IQSEC1: variants seen among roughly 807,000 people sequenced by gnomAD.
IQSEC1 encodes IQ motif and Sec7 domain ArfGEF 1, also known as IQ motif and SEC7 domain-containing protein 1.
Under a neutral mutation model 91.0 loss-of-function variants are expected in IQSEC1, and 31 were observed. That is an observed-to-expected ratio of 0.34 (90% confidence interval 0.26 to 0.46). The LOEUF (loss-of-function observed/expected upper bound fraction) is 0.46. Ranked by LOEUF, IQSEC1 falls within the 20% of genes least tolerant of loss-of-function variation. The probability of loss-of-function intolerance (pLI) is 1.00; values close to 1 mark genes in which losing one functional copy is unlikely to be tolerated. For missense variants in IQSEC1, 1,388 were observed against 1,575.6 expected (o/e 0.88, Z 2.02); for synonymous variants, 699 against 662.6 (o/e 1.05, Z -0.84).
intron 2 of IQSEC1, among the ~76,000 whole-genome samples, chr3:13,106,209 T>C (rs1706149141): frequency 6.6e-6 from 1 of 152,220 alleles, no homozygotes; most frequent in Non-Finnish European, 1.5e-5. Flanking sequence ...GCTCAACCCA[T>C]GAAACTAGAC....
chr3:12,984,274 G>A (rs1298780951), intron 1 of IQSEC1, among the ~76,000 whole-genome samples: 1 of 152,184 alleles, frequency 6.6e-6, no homozygotes, highest in Non-Finnish European at 1.5e-5. Flanking sequence ...GGGGAGATAG[G>A]GAGGAGACCC....
intron 7 of IQSEC1, 151 bp from the exon 8 acceptor site, chr3:12,915,284 G>A: frequency 1.1e-6 from 1 of 940,382 alleles, no homozygotes; most frequent in Admixed American, 2.4e-5. Context: ...CTCTCTGAGG[G>A]GTCCCAGGGG....
chr3:13,174,195 G>A (rs1029226042), intron 1 of IQSEC1, among the ~76,000 whole-genome samples: 2 of 152,180 alleles, frequency 1.3e-5, no homozygotes, highest in African/African-American at 4.8e-5. Flanking sequence ...AAGCAGGTGA[G>A]GGGACTGGGG....
chr3:13,029,618 C>T (rs1703763626), intron 1 of IQSEC1, among the ~76,000 whole-genome samples: 1 of 152,248 alleles, frequency 6.6e-6, no homozygotes, highest in African/African-American at 2.4e-5. Context: ...TGTATCCTGA[C>T]TCCCTGGGTC....
intron 1 of IQSEC1, among the ~76,000 whole-genome samples, chr3:13,167,708 A>G (rs1009572549): frequency 2.0e-5 from 3 of 152,216 alleles, no homozygotes; most frequent in African/African-American, 4.8e-5. Context: ...TGGCCTTCAG[A>G]CGGCCAAGGC....
intron 1 of IQSEC1, among the ~76,000 whole-genome samples, chr3:13,176,781 A>C (rs357135): frequency 0.56 from 85,367 of 152,118 alleles, 24,791 homozygotes; most frequent in Non-Finnish European, 0.63. Flanking sequence ...TAAATGCGTC[A>C]GTGAGCTGCC....
intron 1 of IQSEC1, among the ~76,000 whole-genome samples, chr3:13,173,048 T>C (rs1258245882): frequency 6.6e-6 from 1 of 152,234 alleles, no homozygotes; most frequent in African/African-American, 2.4e-5. Flanking sequence ...AAGGCCACTT[T>C]TCACCAAACC....
intron 2 of IQSEC1, among the ~76,000 whole-genome samples, chr3:13,108,230 C>A (rs1306006020): frequency 2.0e-5 from 3 of 152,168 alleles, no homozygotes; most frequent in Non-Finnish European, 4.4e-5. Flanking sequence ...ACCCTAATTT[C>A]TAACAACGCC....
chr3:13,066,795 A>G (rs1223537486), intron 1 of IQSEC1, among the ~76,000 whole-genome samples: 3 of 152,238 alleles, frequency 2.0e-5, no homozygotes, highest in Admixed American at 2.0e-4. Context: ...CGGTAGCTCC[A>G]TGCAGGCAGG....
At chr3:13,160,440 T>G (rs1334330891) in intron 2 of IQSEC1, among the ~76,000 whole-genome samples, 1 of 152,146 alleles carries the variant, frequency 6.6e-6, no homozygotes. Flanking sequence ...GGATTACAAG[T>G]GTGAGCCCCC....
intron 2 of IQSEC1, among the ~76,000 whole-genome samples, chr3:13,095,122 A>AT (rs1705932084): frequency 6.6e-6 from 1 of 151,840 alleles, no homozygotes. Flanking sequence ...CCAGCCCAAG[A>AT]ATCTACCTCC....
At chr3:13,092,503 T>A (rs1215634998) in intron 2 of IQSEC1, among the ~76,000 whole-genome samples, 1 of 151,756 alleles carries the variant, frequency 6.6e-6, no homozygotes, top group Non-Finnish European at 1.5e-5. Flanking sequence ...GCTAAAATAA[T>A]CCCAGGAACT....
intron 1 of IQSEC1, among the ~76,000 whole-genome samples, chr3:12,980,364 T>C (rs1292508505): frequency 6.6e-6 from 1 of 152,204 alleles, no homozygotes; most frequent in Non-Finnish European, 1.5e-5. Flanking sequence ...ACTAAAAGTC[T>C]TCAGTCTTGA....
intron 1 of IQSEC1, among the ~76,000 whole-genome samples, chr3:13,249,848 C>A (rs1028126458): frequency 3.3e-5 from 5 of 152,214 alleles, no homozygotes; most frequent in African/African-American, 9.6e-5. Context: ...AGGACTGATT[C>A]CAGGCACTCA....
chr3:13,273,900 C>T (rs1022165315), intron 1 of IQSEC1, among the ~76,000 whole-genome samples: 1 of 152,190 alleles, frequency 6.6e-6, no homozygotes, highest in African/African-American at 2.4e-5. Context: ...CTGCCCCATG[C>T]ACACTGGTCC....
intron 1 of IQSEC1, among the ~76,000 whole-genome samples, chr3:12,957,805 G>A (rs1700007199): frequency 6.6e-6 from 1 of 152,216 alleles, no homozygotes; most frequent in Non-Finnish European, 1.5e-5. Flanking sequence ...CCCCAACACA[G>A]GCACAGCCAC....
chr3:13,206,708 G>C (rs1694352085), intron 1 of IQSEC1, among the ~76,000 whole-genome samples: 2 of 152,232 alleles, frequency 1.3e-5, no homozygotes, highest in Non-Finnish European at 2.9e-5. Flanking sequence ...GCAGTCACCT[G>C]TGGGAAAGGA....
Position 13,227,375 on chromosome 3 carries a change from CAAAAAAA to C in IQSEC1, c.272+55329_272+55335del, listed in dbSNP as rs753199634. Among the ~76,000 whole-genome samples the C allele has an allele frequency of 1.3e-3, 92 of 70,062 alleles. No homozygotes were observed. In the Middle Eastern group the frequency reaches 0.037, roughly 28 times the overall value. 46.0% of individuals were successfully genotyped at this position (70,062 alleles called of 152,430 possible). The stretch of plus-strand genomic sequence containing the variant: ...TGGGCGACAAAGCGGGACTCTGTCT[CAAAAAAA>C]AAAAAAAAAAAAAAGAAAGAAAGAA... On this transcript the variant is annotated intron_variant, in intron 1 of 15. Coordinates refer to the IQSEC1 transcript ENST00000648114.
chr3:12,957,819 C>A (rs949897671), intron 1 of IQSEC1, among the ~76,000 whole-genome samples: 4 of 152,274 alleles, frequency 2.6e-5, no homozygotes, highest in African/African-American at 9.6e-5. Flanking sequence ...CAGCCACTAT[C>A]AACATCCACA....
Sources: gnomAD v4.1 joint callset for allele counts (sites outside exome capture counted in the v4.1 genomes callset) on GRCh38, gnomAD v4.1.1 for gene constraint, MANE v1.5 for transcripts, NCBI Gene and HGNC (gene_info 2026-07-23, HGNC 2026-07-21) for gene names.